UBR2: variants seen among roughly 807,000 people sequenced by gnomAD.
The protein encoded by UBR2 is E3 ubiquitin-protein ligase UBR2.
A neutral mutation model predicts 247.9 loss-of-function variants in UBR2; 92 were observed. That is an observed-to-expected ratio of 0.37 (90% CI 0.31 to 0.44). The LOEUF is 0.44. Ranked by LOEUF, UBR2 falls within the 20% of genes least tolerant of loss-of-function variation. The pLI is 1.00. For synonymous variants in UBR2, 672 were observed against 693.5 expected (o/e 0.97, Z 0.49); for missense variants, 1,613 against 2,112.6 (o/e 0.76, Z 4.64).
intron 3 of UBR2, among the ~76,000 whole-genome samples, chr6:42,592,596 A>G (rs1206247550): frequency 6.6e-6 from 1 of 152,202 alleles, no homozygotes; most frequent in Non-Finnish European, 1.5e-5. Flanking sequence ...TAATGCTGTC[A>G]GTACTTTTCA....
At chr6:42,688,102 C>T in intron 44 of UBR2, 114 bp from the exon 45 acceptor site, 2 of 1,206,824 alleles carry the variant, frequency 1.7e-6, no homozygotes. Context: ...GTAGGATATA[C>T]ACTTCTTTGG....
chr6:42,629,260 G>A (rs1188655871), intron 11 of UBR2, among the ~76,000 whole-genome samples: 1 of 145,842 alleles, frequency 6.9e-6, no homozygotes, highest in Non-Finnish European at 1.5e-5. Flanking sequence ...CAAGTGATCC[G>A]CCCACCTCAG....
intron 1 of UBR2, among the ~76,000 whole-genome samples, chr6:42,567,916 A>G (rs1287515662): frequency 2.0e-5 from 3 of 152,226 alleles, no homozygotes; most frequent in Non-Finnish European, 4.4e-5. Flanking sequence ...GTGTGGTGGC[A>G]TGAACTTGCA....
At chr6:42,595,343 C>A (rs1792899915) in intron 4 of UBR2, among the ~76,000 whole-genome samples, 1 of 152,166 alleles carries the variant, frequency 6.6e-6, no homozygotes, top group South Asian at 2.1e-4. Flanking sequence ...TTGTATAGTT[C>A]AAGATCCTTC....
chr6:42,606,614 A>C lies in UBR2; in HGVS notation c.827A>C (p.Asp276Ala). The stretch of plus-strand genomic sequence containing the variant: ...GGGCGTAGGTCTGTTCGATATGGAG[A>C]TTTTCAGTATTGTGAGCAAGCAAAA... ...RDGRRSVRYG[D>A]FQYCEQAKSV... The change falls in exon 7 of 47, where the codon GAT becomes GCT. Residue 276 changes from aspartate to alanine, a missense_variant. By Grantham distance (126) the Asp-to-Ala change is moderately radical. This residue lies in a region of UBR2 where 1,524 missense variants were observed against 1,967.3 expected (regional missense o/e 0.77). Transcript: ENST00000372901. 1 of 1,609,024 alleles carries C rather than the reference A, an allele frequency of 6.2e-7. No individual in the cohort carries two copies. Among genetic ancestry groups the C allele is most frequent in the South Asian group, 1.1e-5 (1 of 89,580 alleles).
chr6:42,652,516 A>G lies in UBR2; in HGVS notation c.2640A>G (p.Pro880=). The stretch of plus-strand genomic sequence containing the variant: ...CACTCCCACCTCCGGTGTTGCCTCC[A>G]TTCTGCCCTCTGTTTGCAAGCCTGG... ...DTALPPPVLP[P]FCPLFASLVN... The change falls in exon 25 of 47, where the codon CCA becomes CCG. Residue 880 remains proline, a synonymous_variant. Coordinates refer to ENST00000372901, the MANE Select transcript of UBR2 (RefSeq NM_001363705.2). 6.2e-7 allele frequency: 1 copy of G among 1,611,348 alleles called. No individual in the cohort carries two copies. Among genetic ancestry groups the G allele is most frequent in the Non-Finnish European group, 8.5e-7 (1 of 1,179,474 alleles).
Position 42,693,300 on chromosome 6 carries a change from C to A in UBR2, c.*2127C>A, listed in dbSNP as rs973269278. On this transcript the variant is annotated 3_prime_UTR_variant, in exon 47 of 47. Transcript: ENST00000372901. ...TAGTTGTCTTTCCTACCTTACAAAT[C>A]ATGTTAGTTTTATGATTTGTTCCGC... 2 of 152,138 alleles carry A rather than the reference C, an allele frequency of 1.3e-5. No individual in the cohort carries two copies. Among genetic ancestry groups the A allele is most frequent in the Non-Finnish European group, 2.9e-5 (2 of 68,022 alleles). The allele number at this position is 152,138 out of a possible 1,614,324, so 9.4% of individuals were successfully genotyped here. A position where few individuals can be genotyped will look rare whatever the true frequency, so the allele number is the denominator to read the frequency against.
In UBR2 at chr6:42,678,440, T is replaced by C; in HGVS notation, c.4479-99T>C. The C allele has an allele frequency of 4.5e-6, 6 of 1,329,494 alleles. 1 individual carries two copies. In the South Asian group the frequency reaches 7.8e-5, roughly 17 times the overall value. The allele number at this position is 1,329,494 out of a possible 1,614,324, so 82.4% of individuals were successfully genotyped here. A position where few individuals can be genotyped will look rare whatever the true frequency, so the allele number is the denominator to read the frequency against. ...TTAACTCACAACTTTTAAGCATACA[T>C]GCCATCAGTTCCAAATGACAGTCAA... On this transcript the variant is annotated intron_variant, in intron 40 of 46. Transcript: ENST00000372901.
chr6:42,564,540 C>G (rs916274377), intron 1 of UBR2, 143 bp downstream of exon 1: 27 of 880,574 alleles, frequency 3.1e-5, no homozygotes, highest in Non-Finnish European at 4.6e-5. Flanking sequence ...GGGTAATAGC[C>G]CGGGGAGGCC....
intron 4 of UBR2, among the ~76,000 whole-genome samples, chr6:42,599,411 GA>G (rs1485913452): frequency 1.3e-5 from 2 of 151,722 alleles, no homozygotes; most frequent in Non-Finnish European, 2.9e-5. Flanking sequence ...CCCTCTTAAA[GA>G]AAAGAAAAAA....
At position 42,617,525 on chromosome 6, in the gene UBR2, A is replaced by G. The variant is rs112167325; in HGVS notation, c.1281+18A>G. On this transcript the variant is annotated intron_variant, in intron 11 of 46. Coordinates refer to ENST00000372901, the MANE Select transcript of UBR2 (RefSeq NM_001363705.2). ...CTTCACTTGTAAGTACTGAAAGACT[A>G]GAAGAACTTTCTTGTTTTCCATTAA... is the stretch of plus-strand genomic sequence containing the variant. The G allele has an allele frequency of 1.0e-5, 16 of 1,547,964 alleles. No individual in the cohort carries two copies. The highest frequency in any genetic ancestry group is 9.6e-5 in the African/African-American group (7 of 72,992).
chr6:42,636,151 C>T (rs561257719), intron 14 of UBR2, among the ~76,000 whole-genome samples: 2 of 146,474 alleles, frequency 1.4e-5, no homozygotes, highest in East Asian at 2.0e-4. Flanking sequence ...AGTGATTTTT[C>T]GGGGCCTTGG....
At chr6:42,602,872 C>T (rs565008817) in intron 4 of UBR2, among the ~76,000 whole-genome samples, 1 of 151,756 alleles carries the variant, frequency 6.6e-6, no homozygotes, top group South Asian at 2.1e-4. Context: ...GCTACTTAGC[C>T]ATTAAACTAA....
chr6:42,641,705 T>G lies in UBR2; in HGVS notation c.2031+13T>G. 2.5e-6 allele frequency: 4 copies of G among 1,597,728 alleles called. No homozygotes were observed. Among genetic ancestry groups the G allele is most frequent in the Non-Finnish European group, 3.4e-6 (4 of 1,168,222 alleles). ...TCTAGTAAACCAGGTAAGTGTTTTC[T>G]AATTCTATGAAGAGTTTTCATTCCA... On this transcript the variant is annotated intron_variant, in intron 17 of 46. Transcript: ENST00000372901.
chr6:42,638,962 A>G (rs985697082), intron 15 of UBR2, among the ~76,000 whole-genome samples: 6 of 152,178 alleles, frequency 3.9e-5, no homozygotes, highest in Non-Finnish European at 8.8e-5. Flanking sequence ...ACCTCCCTCA[A>G]AGCTGTCGTG....
chr6:42,583,796 T>C lies in UBR2; in HGVS notation c.339-8355T>C, dbSNP rs1048634045. Among the ~76,000 whole-genome samples, 4 of 152,184 alleles carry C rather than the reference T, an allele frequency of 2.6e-5. No homozygotes were observed. In the South Asian group the frequency reaches 8.3e-4, roughly 32 times the overall value. ...ACCTCCACCTCCCAAAGTGCTGGGA[T>C]TGCAGGCATGAGCCACCGCGCCCGG... On this transcript the variant is annotated intron_variant, in intron 2 of 46. Transcript: ENST00000372901.
At chr6:42,602,357 C>T (rs1445164706) in intron 4 of UBR2, among the ~76,000 whole-genome samples, 1 of 152,038 alleles carries the variant, frequency 6.6e-6, no homozygotes, top group African/African-American at 2.4e-5. Context: ...CGCCCTCCAC[C>T]ACGCCCGGCT....
rs796532726 is a variant in UBR2, at chr6:42,602,187, C to CT, written c.532-1389dup. ...CCCGGCCAAGCCACCATGCCTGGCC[C>CT]TTTTTTTTTTTTCTTCTTTTCTTTT... On this transcript the variant is annotated intron_variant, in intron 4 of 46. Coordinates refer to ENST00000372901, the MANE Select transcript of UBR2 (RefSeq NM_001363705.2). 7.4e-3 allele frequency among the ~76,000 whole-genome samples: 1,066 copies of CT among 143,760 alleles called. 13 individuals are homozygous for CT. The highest frequency in any genetic ancestry group is 0.023 in the African/African-American group (920 of 39,412). The allele number at this position is 143,760 out of a possible 152,430, so 94.3% of individuals were successfully genotyped here.
At chr6:42,608,976 C>T (rs748370954) in intron 7 of UBR2, among the ~76,000 whole-genome samples, 2 of 151,982 alleles carry the variant, frequency 1.3e-5, no homozygotes, top group African/African-American at 4.8e-5. Context: ...AATAATGTAT[C>T]AGAAACTGTA....
Sources: gnomAD v4.1 joint callset for allele counts (sites outside exome capture counted in the v4.1 genomes callset) on GRCh38, gnomAD v4.1.1 for gene constraint, gnomAD v4.1.1 regional missense constraint, MANE v1.5 for transcripts, NCBI Gene and HGNC (gene_info 2026-07-23, HGNC 2026-07-21) for gene names.